The following EAF2 variants were observed in gnomAD, a reference collection of about 807,000 sequenced individuals.
The protein encoded by EAF2 is ELL associated factor 2.
EAF2 carries 29 observed loss-of-function variants against 29.4 expected under a neutral mutation model. The ratio of observed to expected loss-of-function variants is 0.99; its 90% CI spans 0.73 to 1.35. EAF2 has a LOEUF of 1.35. EAF2 is among the 40% of genes most tolerant of loss of function. The probability of loss-of-function intolerance (pLI) is 0.00; values close to 1 mark genes in which losing one functional copy is unlikely to be tolerated. For synonymous variants in EAF2, 103 were observed against 102.5 expected (o/e 1.00, Z -0.03); for missense variants, 292 against 312.0 (o/e 0.94, Z 0.48).
intron 4 of EAF2, among the ~76,000 whole-genome samples, chr3:121,858,625 T>C (rs567007619): frequency 1.3e-5 from 2 of 152,220 alleles, no homozygotes; most frequent in Non-Finnish European, 2.9e-5. Flanking sequence ...AGGTTGCCTG[T>C]TCACTCTGAT....
intron 4 of EAF2, among the ~76,000 whole-genome samples, chr3:121,859,931 G>A (rs1708795990): frequency 6.6e-6 from 1 of 152,120 alleles, no homozygotes; most frequent in African/African-American, 2.4e-5. Context: ...TGAGATAATT[G>A]TGTGGTTTTT....
chr3:121,867,781 G>A (rs1235463477), intron 4 of EAF2, among the ~76,000 whole-genome samples: 1 of 152,146 alleles, frequency 6.6e-6, no homozygotes, highest in Non-Finnish European at 1.5e-5. Context: ...TAAATCATAT[G>A]TGATGACTGA....
chr3:121,872,714 A>C lies in EAF2; in HGVS notation c.662A>C (p.Gln221Pro), dbSNP rs756218295. ...NCVSGHPTMTQYRIPDIDASH... is the reference protein window; with the variant it reads ...NCVSGHPTMTPYRIPDIDASH... The stretch of plus-strand genomic sequence containing the variant: ...GTCTCAGGACATCCTACCATGACAC[A>C]GTACAGGATTCCTGATATAGATGCC... The change falls in exon 5 of 6, where the codon CAG becomes CCG. Residue 221 changes from glutamine (Q) to proline (P), a missense_variant. Gln to Pro is a moderately conservative substitution (Grantham distance 76). Transcript: ENST00000273668. 1 of 1,612,686 alleles carries C rather than the reference A, an allele frequency of 6.2e-7. No individual in the cohort carries two copies. The highest frequency in any genetic ancestry group is 1.3e-5 in the African/African-American group (1 of 74,832).
At chr3:121,883,720 G>A (rs1286035053) in intron 5 of EAF2, among the ~76,000 whole-genome samples, 1 of 152,180 alleles carries the variant, frequency 6.6e-6, no homozygotes, top group Non-Finnish European at 1.5e-5. Flanking sequence ...ATCATCCCCT[G>A]GGGGGCAGTA....
intron 2 of EAF2, among the ~76,000 whole-genome samples, chr3:121,845,235 C>G (rs1031664463): frequency 6.6e-6 from 1 of 151,750 alleles, no homozygotes; most frequent in African/African-American, 2.4e-5. Context: ...GTCAAGAGTT[C>G]CAGGCCAGCT....
intron 4 of EAF2, among the ~76,000 whole-genome samples, chr3:121,865,676 T>A (rs1339012716): frequency 3.3e-5 from 5 of 151,836 alleles, no homozygotes; most frequent in African/African-American, 9.7e-5. Context: ...AAAAAAATAT[T>A]TTTTTAAAAA....
chr3:121,860,766 G>A (rs149938661), intron 4 of EAF2, among the ~76,000 whole-genome samples: 3 of 152,202 alleles, frequency 2.0e-5, no homozygotes, highest in African/African-American at 7.2e-5. Flanking sequence ...TGATGTTACG[G>A]TGTCGATTTT....
At chr3:121,856,890 G>T in intron 3 of EAF2, 121 bp from the exon 4 acceptor site, 1 of 777,182 alleles carries the variant, frequency 1.3e-6, no homozygotes, top group Middle Eastern at 2.4e-4. Context: ...TTTTAATTAT[G>T]GAATATTATT....
chr3:121,835,824 C>A (rs945024702), intron 1 of EAF2, among the ~76,000 whole-genome samples: 1 of 152,122 alleles, frequency 6.6e-6, no homozygotes, highest in East Asian at 1.9e-4. Context: ...TCACCTCTGG[C>A]AGATGAGGGT....
intron 5 of EAF2, among the ~76,000 whole-genome samples, chr3:121,880,476 G>A (rs1407154480): frequency 6.6e-6 from 1 of 151,570 alleles, no homozygotes; most frequent in Non-Finnish European, 1.5e-5. Context: ...GTGTGTGTGT[G>A]TGTGTGTGTG....
Position 121,854,766 on chromosome 3 carries a change from A to T in EAF2, c.281A>T (p.Asp94Val). The T allele has an allele frequency of 6.3e-7, 1 of 1,575,378 alleles. No individual in the cohort carries two copies. Among genetic ancestry groups the T allele is most frequent in the South Asian group, 1.2e-5 (1 of 82,168 alleles). ...LKECILIINH[D>V]TGECRLEKLS... ...GAATGCATTTTGATTATTAACCATG[A>T]TACTGGAGAATGTCGGCTAGAAAAA... is the stretch of plus-strand genomic sequence containing the variant. The change falls in exon 3 of 6, where the codon GAT becomes GTT. Residue 94 changes from aspartate (D) to valine (V), a missense_variant. Transcript: ENST00000273668.
At chr3:121,865,971 C>T (rs949248595) in intron 4 of EAF2, among the ~76,000 whole-genome samples, 1 of 152,178 alleles carries the variant, frequency 6.6e-6, no homozygotes, top group African/African-American at 2.4e-5. Context: ...TCTTCTCTCT[C>T]ATCTAAAGAC....
chr3:121,866,067 C>A (rs1462718362), intron 4 of EAF2, among the ~76,000 whole-genome samples: 1 of 152,164 alleles, frequency 6.6e-6, no homozygotes, highest in African/African-American at 2.4e-5. Context: ...TCCACCTCTC[C>A]AAGCAGGGGA....
At chr3:121,844,653 A>G (rs1470987468) in intron 2 of EAF2, 106 bp downstream of exon 2, 2 of 690,534 alleles carry the variant, frequency 2.9e-6, no homozygotes, top group Non-Finnish European at 4.6e-6. Context: ...TAAAGTAATT[A>G]GTAAGCACAG....
chr3:121,875,727 T>C (rs1709083881), intron 5 of EAF2, among the ~76,000 whole-genome samples: 2 of 151,812 alleles, frequency 1.3e-5, no homozygotes, highest in African/African-American at 4.8e-5. Flanking sequence ...AAAAGAATGA[T>C]AAAACAATGC....
intron 5 of EAF2, among the ~76,000 whole-genome samples, chr3:121,884,280 C>T (rs1183258459): frequency 7.2e-6 from 1 of 139,108 alleles, no homozygotes; most frequent in Non-Finnish European, 1.5e-5. Flanking sequence ...GCAGAGGGTG[C>T]AGTGAGCTGA....
chr3:121,857,295 C>T, intron 4 of EAF2, 139 bp downstream of exon 4: 1 of 601,468 alleles, frequency 1.7e-6, no homozygotes, highest in Non-Finnish European at 2.8e-6. Context: ...AGTTCAACAC[C>T]AGCCTGGCCA....
intron 4 of EAF2, among the ~76,000 whole-genome samples, chr3:121,863,909 T>C (rs1458837424): frequency 1.3e-5 from 2 of 152,164 alleles, no homozygotes; most frequent in African/African-American, 2.4e-5. Context: ...TTTTCTTCTT[T>C]TTGGCAATTG....
intron 1 of EAF2, among the ~76,000 whole-genome samples, chr3:121,841,659 G>A (rs1217558271): frequency 6.6e-6 from 1 of 151,352 alleles, no homozygotes; most frequent in Non-Finnish European, 1.5e-5. Context: ...GAACATTTGA[G>A]GCCAGGAATT....
Sources: gnomAD v4.1 joint callset for allele counts (sites outside exome capture counted in the v4.1 genomes callset) on GRCh38, gnomAD v4.1.1 for gene constraint, MANE v1.5 for transcripts, NCBI Gene and HGNC (gene_info 2026-07-23, HGNC 2026-07-21) for gene names.